Variants in TNR observed in about 807,000 individuals in gnomAD.
TNR encodes tenascin R, also known as tenascin-R.
TNR carries 45 observed loss-of-function variants against 150.4 expected under a neutral mutation model. The observed-to-expected ratio is 0.30, with a 90% CI of 0.24 to 0.38. The LOEUF is 0.38. Ranked by LOEUF, TNR falls within the 10% of genes least tolerant of loss-of-function variation. The pLI is 1.00. For missense variants in TNR, 1,544 were observed against 1,759.1 expected, an observed-to-expected ratio of 0.88 and a Z score of 2.19; for synonymous variants, 687 against 678.4, an observed-to-expected ratio of 1.01 and a Z score of -0.20.
intron 1 of TNR, among the ~76,000 whole-genome samples, chr1:175,550,628 G>A (rs185229727): frequency 5.9e-5 from 9 of 151,830 alleles, no homozygotes; most frequent in East Asian, 1.9e-4. Flanking sequence ...GTATACACAC[G>A]GATATGCACA....
rs144339554 is a variant in TNR, at chr1:175,438,632, T to C, written c.-63-31855A>G. Among the ~76,000 whole-genome samples, 720 of 152,310 alleles carry C rather than the reference T, an allele frequency of 4.7e-3. 1 individual carries two copies. The highest frequency in any genetic ancestry group is 8.0e-3 in the Non-Finnish European group (546 of 68,022). On this transcript the variant is annotated intron_variant, in intron 2 of 22. Coordinates refer to ENST00000367674, the MANE Select transcript of TNR (RefSeq NM_003285.3). The stretch of plus-strand genomic sequence containing the variant: ...CATGATTGTATATCTAGAAACCACA[T>C]TGTCTCAGCCCAAAATCTCCTTAAG...
chr1:175,680,424 G>A (rs1460807941), intron 1 of TNR, among the ~76,000 whole-genome samples: 3 of 152,162 alleles, frequency 2.0e-5, no homozygotes, highest in African/African-American at 7.2e-5. Context: ...CAGAGAGGGA[G>A]TGAGAAAGGC....
rs527943410 is a variant in TNR at position 175,479,912 on chromosome 1, G to A, written c.-64+48357C>T. Among the ~76,000 whole-genome samples, 5 of 152,128 alleles carry A rather than the reference G, an allele frequency of 3.3e-5. No individual in the cohort carries two copies. The South Asian group carries it at 1.0e-3, about 32-fold the overall frequency. ...TCCACTAATCTACCTCAAATCTCCA[G>A]GAATAGAATTCTGGAGAGATTCTAG... On this transcript the variant is annotated intron_variant, in intron 2 of 22. Coordinates refer to ENST00000367674, the MANE Select transcript of TNR (RefSeq NM_003285.3).
intron 1 of TNR, among the ~76,000 whole-genome samples, chr1:175,678,616 T>A (rs1191250838): frequency 1.3e-5 from 2 of 152,174 alleles, no homozygotes; most frequent in Non-Finnish European, 2.9e-5. Context: ...TCCAGGGAGC[T>A]GTATCTGGGA....
At chr1:175,548,047 G>A (rs778462961) in intron 1 of TNR, among the ~76,000 whole-genome samples, 7 of 152,190 alleles carry the variant, frequency 4.6e-5, no homozygotes, top group Non-Finnish European at 1.0e-4. Flanking sequence ...GAGACCTGGT[G>A]GGGAGCTGTT....
intron 2 of TNR, among the ~76,000 whole-genome samples, chr1:175,413,448 G>T (rs1262238413): frequency 6.6e-6 from 1 of 152,234 alleles, no homozygotes; most frequent in Non-Finnish European, 1.5e-5. Flanking sequence ...CTTTAGAGAG[G>T]TCCCACTTGT....
Position 175,354,452 on chromosome 1 carries a change from C to T in TNR, c.3321G>A (p.Val1107=), listed in dbSNP as rs773075927. 3 of 1,614,134 alleles carry T rather than the reference C, an allele frequency of 1.9e-6. No individual in the cohort carries two copies. The South Asian group carries it at 3.3e-5, about 18-fold the overall frequency. ...EGLLENTDYT[V]LLQAAQDTTW... ...TGGTGTCCTGTGCTGCCTGCAGGAG[C>T]ACCGTGTAGTCTGTGTTCTCCAACA... The change falls in exon 18 of 23, where the codon GTG becomes GTA. Residue 1107 remains valine, a synonymous_variant. Transcript: ENST00000367674.
chr1:175,458,918 C>T (rs1656687629), intron 2 of TNR, among the ~76,000 whole-genome samples: 1 of 149,878 alleles, frequency 6.7e-6, no homozygotes, highest in African/African-American at 2.5e-5. Flanking sequence ...GCTTCTACCA[C>T]CACCACCATC....
intron 1 of TNR, among the ~76,000 whole-genome samples, chr1:175,573,874 C>T (rs1661988083): frequency 6.6e-6 from 1 of 152,152 alleles, no homozygotes; most frequent in African/African-American, 2.4e-5. Context: ...GAATGGCAGC[C>T]CTTGGTCAGA....
intron 1 of TNR, among the ~76,000 whole-genome samples, chr1:175,536,068 C>T (rs973731622): frequency 6.6e-6 from 1 of 152,162 alleles, no homozygotes; most frequent in Non-Finnish European, 1.5e-5. Context: ...GACCTGCCAG[C>T]AGATCTTGTT....
chr1:175,703,762 A>T (rs1162347367), intron 1 of TNR, among the ~76,000 whole-genome samples: 1 of 152,222 alleles, frequency 6.6e-6, no homozygotes, highest in Non-Finnish European at 1.5e-5. Context: ...TGCAAATTAA[A>T]ACACCCAGAA....
Position 175,378,705 on chromosome 1 carries a change from T to C in TNR, c.1963+847A>G, listed in dbSNP as rs1017152558. 2.6e-5 allele frequency among the ~76,000 whole-genome samples: 4 copies of C among 152,136 alleles called. No individual in the cohort carries two copies. The South Asian group carries it at 8.3e-4, about 32-fold the overall frequency. ...ATTTGAGAAATGGAAAGAAGCAGAC[T>C]TGTGGGCCTGGAGCCCAGAAAACAT... On this transcript the variant is annotated intron_variant, in intron 9 of 22. Transcript: ENST00000367674.
chr1:175,331,054 T>TTTCTTTCCTTCC (rs1571298801), intron 20 of TNR, among the ~76,000 whole-genome samples: 5 of 105,728 alleles, frequency 4.7e-5, no homozygotes, highest in African/African-American at 1.9e-4. Context: ...TCTTTCTTTC[T>TTTCTTTCCTTCC]TTCTTTCTTT....
chr1:175,641,999 C>T (rs1664678706), intron 1 of TNR, among the ~76,000 whole-genome samples: 1 of 152,120 alleles, frequency 6.6e-6, no homozygotes, highest in Non-Finnish European at 1.5e-5. Flanking sequence ...CCTGTCCCTG[C>T]TATCAAGTAG....
intron 18 of TNR, among the ~76,000 whole-genome samples, chr1:175,338,957 C>T (rs995156706): frequency 3.3e-5 from 5 of 152,226 alleles, no homozygotes; most frequent in African/African-American, 7.2e-5. Context: ...GCGCACTGGC[C>T]TAACGTAGTT....
chr1:175,724,520 G>A (rs541754988), intron 1 of TNR, among the ~76,000 whole-genome samples: 230 of 152,178 alleles, frequency 1.5e-3, no homozygotes, highest in Middle Eastern at 3.4e-3. Context: ...ATTACAATTC[G>A]ACATGAGATT....
At chr1:175,686,143 G>C (rs1466791989) in intron 1 of TNR, among the ~76,000 whole-genome samples, 3 of 152,126 alleles carry the variant, frequency 2.0e-5, no homozygotes, top group Non-Finnish European at 1.5e-5. Flanking sequence ...CCAGCTAACA[G>C]TTATTCATGT....
chr1:175,741,412 C>G (rs1474353111), intron 1 of TNR, among the ~76,000 whole-genome samples: 1 of 152,148 alleles, frequency 6.6e-6, no homozygotes, highest in Non-Finnish European at 1.5e-5. Flanking sequence ...TGGTTTTGGA[C>G]AGGGTCCACT....
intron 2 of TNR, among the ~76,000 whole-genome samples, chr1:175,450,699 G>C (rs897624984): frequency 1.3e-5 from 2 of 152,244 alleles, no homozygotes; most frequent in Non-Finnish European, 2.9e-5. Context: ...ATGAATGAAT[G>C]AAAGCTTCCT....
Sources: gnomAD v4.1 joint callset for allele counts (sites outside exome capture counted in the v4.1 genomes callset) on GRCh38, gnomAD v4.1.1 for gene constraint, MANE v1.5 for transcripts, NCBI Gene and HGNC (gene_info 2026-07-23, HGNC 2026-07-21) for gene names.